ZNF679: variants seen among roughly 807,000 people sequenced by gnomAD.
ZNF679 encodes the protein hypothetical protein MGC42415.
In ZNF679, 10 loss-of-function variants were observed where a neutral mutation model predicts 13.4. The observed-to-expected ratio is 0.75, with a 90% CI of 0.46 to 1.27. The LOEUF is 1.27. ZNF679 is among the 50% of genes most tolerant of loss of function. ZNF679 has a pLI of 0.00. For synonymous variants in ZNF679, 179 were observed against 162.5 expected (o/e 1.10, Z -0.77); for missense variants, 525 against 477.8 (o/e 1.10, Z -0.92).
At chr7:64,261,053 G>T in intron 4 of ZNF679, 124 bp downstream of exon 4, 2 of 1,024,054 alleles carry the variant, frequency 2.0e-6, no homozygotes, top group Non-Finnish European at 1.4e-6. Flanking sequence ...AGAAGCCCGA[G>T]TCATTTTTTT....
intron 2 of ZNF679, among the ~76,000 whole-genome samples, chr7:64,259,917 G>C (rs1207972467): frequency 1.3e-5 from 2 of 151,098 alleles, no homozygotes; most frequent in South Asian, 4.2e-4. Flanking sequence ...AACAGAGTGA[G>C]ACTTGGTCTC....
chr7:64,262,491 G>A (rs916945761), intron 4 of ZNF679, among the ~76,000 whole-genome samples: 9 of 151,838 alleles, frequency 5.9e-5, no homozygotes, highest in African/African-American at 2.2e-4. Flanking sequence ...AATATTTTTT[G>A]TATATGATGC....
At chr7:64,234,484 G>C (rs759703917) in intron 1 of ZNF679, among the ~76,000 whole-genome samples, 6 of 152,096 alleles carry the variant, frequency 3.9e-5, no homozygotes, top group Non-Finnish European at 7.4e-5. Flanking sequence ...ACAGAGAGCG[G>C]GTCCTAGCTA....
At chr7:64,248,428 G>A (rs1047149835) in intron 1 of ZNF679, among the ~76,000 whole-genome samples, 1 of 151,918 alleles carries the variant, frequency 6.6e-6, no homozygotes, top group Non-Finnish European at 1.5e-5. Context: ...GACTACAGAC[G>A]CCCGCCAACA....
chr7:64,266,077 G>C lies in ZNF679; in HGVS notation c.444G>C (p.Leu148Phe). The change falls in exon 5 of 5, where the codon TTG becomes TTC. Residue 148 changes from leucine (L) to phenylalanine (F), a missense_variant. By Grantham distance (22) the Leu-to-Phe change is conservative. Coordinates refer to ENST00000421025, the MANE Select transcript of ZNF679 (RefSeq NM_153363.3). ...KGGCNEVNQCLSTTQNKIFQT... is the reference protein window; with the variant it reads ...KGGCNEVNQCFSTTQNKIFQT... ...GTTGTAATGAAGTTAACCAATGTTT[G>C]TCAACTACCCAAAACAAAATATTTC... 6 of 1,613,146 alleles carry C rather than the reference G, an allele frequency of 3.7e-6. No individual in the cohort carries two copies. Among genetic ancestry groups the C allele is most frequent in the Non-Finnish European group, 5.1e-6 (6 of 1,179,556 alleles).
chr7:64,259,744 G>A (rs1179702088), intron 2 of ZNF679, among the ~76,000 whole-genome samples: 1 of 151,914 alleles, frequency 6.6e-6, no homozygotes, highest in African/African-American at 2.4e-5. Context: ...CCTGGCCAAC[G>A]TGGAGAAACC....
intron 1 of ZNF679, among the ~76,000 whole-genome samples, chr7:64,233,808 A>C (rs944693461): frequency 1.3e-5 from 2 of 152,216 alleles, no homozygotes; most frequent in Non-Finnish European, 2.9e-5. Context: ...CCAAATCATC[A>C]GAAGTGCAAA....
At chr7:64,239,620 G>C (rs1196609273) in intron 1 of ZNF679, among the ~76,000 whole-genome samples, 4 of 152,172 alleles carry the variant, frequency 2.6e-5, no homozygotes, top group African/African-American at 9.7e-5. Context: ...TGAGCACCTA[G>C]GTGATGTAAA....
chr7:64,231,622 T>C (rs1336674229), intron 1 of ZNF679, among the ~76,000 whole-genome samples: 1 of 152,186 alleles, frequency 6.6e-6, no homozygotes, highest in Non-Finnish European at 1.5e-5. Flanking sequence ...TCACATCTCC[T>C]AGGTGATGAA....
intron 1 of ZNF679, among the ~76,000 whole-genome samples, chr7:64,238,365 T>C (rs975152832): frequency 6.6e-6 from 1 of 152,122 alleles, no homozygotes; most frequent in African/African-American, 2.4e-5. Flanking sequence ...TATGTAGCTA[T>C]TATGTTTGGT....
chr7:64,237,911 G>T (rs1489229384), intron 1 of ZNF679, among the ~76,000 whole-genome samples: 2 of 152,136 alleles, frequency 1.3e-5, no homozygotes, highest in African/African-American at 4.8e-5. Flanking sequence ...GCACAGAAAA[G>T]TGGGAGAGAA....
intron 1 of ZNF679, among the ~76,000 whole-genome samples, chr7:64,247,585 C>T (rs62461243): frequency 0.25 from 38,397 of 151,482 alleles, 5,450 homozygotes; most frequent in Non-Finnish European, 0.32. Context: ...TTGAGACAGT[C>T]GCTCTGTCAC....
rs1194860028 is a variant in ZNF679 at position 64,266,768 on chromosome 7, C to A, written c.1135C>A (p.Pro379Thr). 2 of 1,610,404 alleles carry A rather than the reference C, an allele frequency of 1.2e-6. No homozygotes were observed. The highest frequency in any genetic ancestry group is 1.7e-5 in the Admixed American group (1 of 59,374). Residue 379 changes from proline to threonine, a missense_variant, in exon 5 of 5, where the codon CCC becomes ACC. Physicochemically the swap from Pro to Thr is conservative, Grantham distance 38. Coordinates refer to ENST00000421025, the MANE Select transcript of ZNF679 (RefSeq NM_153363.3). ...TAAGAGGATTCATACTGGAGAGGAA[C>A]CCTACAAATGTGAAGAATGTGACAA... ...THKRIHTGEE[P>T]YKCEECDKAF... is the part of the protein sequence containing the mutation.
intron 4 of ZNF679, among the ~76,000 whole-genome samples, chr7:64,264,673 A>G (rs1347659665): frequency 1.3e-5 from 2 of 151,864 alleles, no homozygotes; most frequent in Non-Finnish European, 2.9e-5. Flanking sequence ...TTTTTTCAGC[A>G]CTTTGACCAT....
chr7:64,262,765 G>T (rs769618045), intron 4 of ZNF679, among the ~76,000 whole-genome samples: 1 of 151,910 alleles, frequency 6.6e-6, no homozygotes, highest in Non-Finnish European at 1.5e-5. Context: ...TGTTTTTCAC[G>T]TGTGTTTCTC....
intron 2 of ZNF679, among the ~76,000 whole-genome samples, chr7:64,259,512 C>G (rs913733403): frequency 7.2e-5 from 11 of 152,114 alleles, no homozygotes; most frequent in African/African-American, 2.4e-4. Flanking sequence ...TCTGAAAAAA[C>G]CTATTAAGAG....
At chr7:64,256,433 A>G (rs532948531) in intron 2 of ZNF679, among the ~76,000 whole-genome samples, 2 of 152,254 alleles carry the variant, frequency 1.3e-5, no homozygotes, top group East Asian at 1.9e-4. Context: ...TATATTCCCA[A>G]TTGTGGGATT....
chr7:64,236,332 C>A (rs540124201), intron 1 of ZNF679, among the ~76,000 whole-genome samples: 4 of 151,844 alleles, frequency 2.6e-5, no homozygotes, highest in African/African-American at 9.7e-5. Context: ...TTTGTATTTA[C>A]GCTTACAATA....
intron 1 of ZNF679, among the ~76,000 whole-genome samples, chr7:64,247,284 G>T (rs1258045733): frequency 4.6e-5 from 7 of 152,138 alleles, no homozygotes; most frequent in African/African-American, 1.7e-4. Context: ...TCATGGAAAT[G>T]CAGTCCTGTA....
Sources: gnomAD v4.1 joint callset for allele counts (sites outside exome capture counted in the v4.1 genomes callset) on GRCh38, gnomAD v4.1.1 for gene constraint, MANE v1.5 for transcripts, NCBI Gene and HGNC (gene_info 2026-07-23, HGNC 2026-07-21) for gene names.